Variants in ZFYVE9 observed in about 807,000 individuals in gnomAD.
The protein encoded by ZFYVE9 is zinc finger FYVE-type containing 9.
ZFYVE9 carries 43 observed loss-of-function variants against 126.7 expected under a neutral mutation model. That is an observed-to-expected ratio of 0.34 (90% CI 0.27 to 0.44). The LOEUF is 0.44. ZFYVE9 is among the 20% of genes least tolerant of loss of function. ZFYVE9 has a pLI of 1.00. For missense variants in ZFYVE9, 1,476 were observed against 1,697.0 expected (o/e 0.87, Z 2.29); for synonymous variants, 521 against 597.4 (o/e 0.87, Z 1.87).
At chr1:52,262,361 G>T (rs939748779) in intron 4 of ZFYVE9, among the ~76,000 whole-genome samples, 8 of 152,118 alleles carry the variant, frequency 5.3e-5, no homozygotes, top group Non-Finnish European at 8.8e-5. Flanking sequence ...TGGAATTTTT[G>T]AGGTTAAATG....
chr1:52,150,904 G>A (rs1434010764), intron 1 of ZFYVE9, among the ~76,000 whole-genome samples: 1 of 151,756 alleles, frequency 6.6e-6, no homozygotes, highest in Non-Finnish European at 1.5e-5. Flanking sequence ...TCCCTAAAAG[G>A]TAATTAAAAT....
chr1:52,216,435 C>T lies in ZFYVE9; in HGVS notation c.-76C>T, dbSNP rs534736527. ...TGCAGCAGACATCATGAGTAAGCAC[C>T]GAGAAGTCTGTTCCTTATCACGTGT... On this transcript the variant is annotated 5_prime_UTR_variant, in exon 2 of 19. An upstream open reading frame in the 5' UTR gains an earlier in-frame stop. Transcript: ENST00000287727. 15 of 398,310 alleles carry T rather than the reference C, an allele frequency of 3.8e-5. No individual in the cohort carries two copies. The South Asian group carries it at 3.8e-4, about 10-fold the overall frequency. 24.7% of individuals were successfully genotyped at this position (398,310 alleles called of 1,614,324 possible).
At chr1:52,295,454 C>T (rs115536031) in intron 11 of ZFYVE9, among the ~76,000 whole-genome samples, 1,652 of 152,138 alleles carry the variant, frequency 0.011, 25 homozygotes, top group African/African-American at 0.038. Flanking sequence ...CACCTGGGCT[C>T]AAGCCATCCT....
chr1:52,272,115 G>A (rs535917563), intron 7 of ZFYVE9, among the ~76,000 whole-genome samples: 1 of 152,312 alleles, frequency 6.6e-6, no homozygotes, highest in Admixed American at 6.5e-5. Context: ...TGGGATTACA[G>A]GCATGAGCCA....
chr1:52,319,501 A>G (rs1269269746), intron 13 of ZFYVE9, among the ~76,000 whole-genome samples: 6 of 151,472 alleles, frequency 4.0e-5, no homozygotes, highest in Admixed American at 6.6e-5. Context: ...GCGCATACCT[A>G]TAATCCCAGC....
intron 4 of ZFYVE9, among the ~76,000 whole-genome samples, chr1:52,249,992 G>T (rs1168482755): frequency 6.6e-6 from 1 of 152,112 alleles, no homozygotes; most frequent in Non-Finnish European, 1.5e-5. Flanking sequence ...TTTAATGTCA[G>T]TACCACATGG....
At chr1:52,338,878 G>A (rs752583070) in intron 16 of ZFYVE9, among the ~76,000 whole-genome samples, 8 of 152,102 alleles carry the variant, frequency 5.3e-5, no homozygotes, top group Admixed American at 2.6e-4. Context: ...GGGCGTGGTG[G>A]TACATGCCTG....
At chr1:52,219,749 T>TGTGTGTG (rs1431955734) in intron 2 of ZFYVE9, among the ~76,000 whole-genome samples, 20 of 113,344 alleles carry the variant, frequency 1.8e-4, no homozygotes, top group Admixed American at 4.6e-4. Flanking sequence ...CCAAGATCTT[T>TGTGTGTG]TGTGTGTGTG....
At chr1:52,246,657 G>A (rs1645387474) in intron 4 of ZFYVE9, among the ~76,000 whole-genome samples, 1 of 147,578 alleles carries the variant, frequency 6.8e-6, no homozygotes, top group African/African-American at 2.5e-5. Context: ...TCAGCCTCCT[G>A]GGTAGCTGGG....
chr1:52,205,067 ATTTT>A (rs891218048), intron 1 of ZFYVE9, among the ~76,000 whole-genome samples: 1 of 117,784 alleles, frequency 8.5e-6, no homozygotes. Flanking sequence ...TGTGCTGTGA[ATTTT>A]TTTTTTTTTT....
rs191863639 is a variant in ZFYVE9 at position 52,164,210 on chromosome 1, C to A, written c.-143+21807C>A. 3.6e-4 allele frequency among the ~76,000 whole-genome samples: 54 copies of A among 148,806 alleles called. No homozygotes were observed. The East Asian group carries it at 0.01, about 29-fold the overall frequency. Reference sequence around the variant, plus strand: ...TGCTTAAAAGACAATGAGTATATATCTTTTTTGTTTGTTTGTTTTTTAAGA... The same window carrying A: ...TGCTTAAAAGACAATGAGTATATATATTTTTTGTTTGTTTGTTTTTTAAGA... On this transcript the variant is annotated intron_variant, in intron 1 of 18. Transcript: ENST00000287727.
intron 4 of ZFYVE9, 107 bp downstream of exon 4, chr1:52,239,702 C>A (rs1281071898): frequency 7.9e-7 from 1 of 1,271,428 alleles, no homozygotes; most frequent in Non-Finnish European, 1.1e-6. Flanking sequence ...TTGAGTTGAC[C>A]TAAATAGCAT....
intron 1 of ZFYVE9, among the ~76,000 whole-genome samples, chr1:52,206,904 C>A (rs1317019458): frequency 1.3e-5 from 2 of 152,140 alleles, no homozygotes; most frequent in Non-Finnish European, 2.9e-5. Context: ...TGTCAGCCTC[C>A]ATAATTTTGT....
intron 14 of ZFYVE9, among the ~76,000 whole-genome samples, chr1:52,333,325 A>T (rs1646360453): frequency 6.6e-6 from 1 of 152,006 alleles, no homozygotes; most frequent in South Asian, 2.1e-4. Context: ...TAGGATATTG[A>T]CAAGGGCCAG....
intron 1 of ZFYVE9, among the ~76,000 whole-genome samples, chr1:52,199,863 T>A (rs1480134941): frequency 6.6e-6 from 1 of 152,216 alleles, no homozygotes; most frequent in Non-Finnish European, 1.5e-5. Flanking sequence ...TGTTTCTGAT[T>A]TTGGCCATTC....
At chr1:52,207,439 GATGCCAGATGGAT>G (rs568510782) in intron 1 of ZFYVE9, among the ~76,000 whole-genome samples, 42 of 152,216 alleles carry the variant, frequency 2.8e-4, no homozygotes, top group Non-Finnish European at 5.0e-4. Context: ...GTTTGTGAAA[GATGCCAGATGGAT>G]ATGCTGGAAA....
chr1:52,251,051 TTGTTGTTG>T (rs747158806), intron 4 of ZFYVE9, among the ~76,000 whole-genome samples: 172 of 144,486 alleles, frequency 1.2e-3, no homozygotes, highest in Non-Finnish European at 2.2e-3. Context: ...GTTGTTGTTG[TTGTTGTTG>T]TTGTTTGTTT....
At chr1:52,278,054 G>T (rs962773453) in intron 8 of ZFYVE9, among the ~76,000 whole-genome samples, 5 of 152,118 alleles carry the variant, frequency 3.3e-5, no homozygotes, top group Non-Finnish European at 7.4e-5. Context: ...TAGAGTAAAA[G>T]GTAGGGCTCT....
In ZFYVE9 at chr1:52,142,857, C is replaced by T. The variant is rs985428890; in HGVS notation, c.-143+454C>T. ...GGGGAAAGGGGGAGGAGAGGAAGGC[C>T]AGGGTGAGAATTGGGGGTGCAGAGA... On this transcript the variant is annotated intron_variant, in intron 1 of 18. Transcript: ENST00000287727. The surrounding 1 kb of genome is among the most constrained non-coding windows in gnomAD (Gnocchi z 4.5). Among the ~76,000 whole-genome samples, 2 of 152,062 alleles carry T rather than the reference C, an allele frequency of 1.3e-5. No homozygotes were observed. The highest frequency in any genetic ancestry group is 4.8e-5 in the African/African-American group (2 of 41,412).
Sources: gnomAD v4.1 joint callset for allele counts (sites outside exome capture counted in the v4.1 genomes callset) on GRCh38, gnomAD v4.1.1 for gene constraint, Gnocchi (gnomAD v3.1) non-coding constraint, MANE v1.5 for transcripts, NCBI Gene and HGNC (gene_info 2026-07-23, HGNC 2026-07-21) for gene names.